Variants in FSTL4 observed in about 807,000 individuals in gnomAD.
FSTL4 encodes follistatin-related protein 4.
Under a neutral mutation model 78.2 loss-of-function variants are expected in FSTL4, and 28 were observed. The ratio of observed to expected loss-of-function variants is 0.36; its 90% CI spans 0.27 to 0.49. The LOEUF (loss-of-function observed/expected upper bound fraction) is 0.49. Among genes scored for constraint, FSTL4 ranks in the 20% least tolerant of loss-of-function variants. The probability of loss-of-function intolerance (pLI) is 0.98; values close to 1 mark genes in which losing one functional copy is unlikely to be tolerated. For synonymous variants in FSTL4, 422 were observed against 440.5 expected (o/e 0.96, Z 0.53); for missense variants, 922 against 1,084.9 (o/e 0.85, Z 2.11).
intron 6 of FSTL4, among the ~76,000 whole-genome samples, chr5:133,268,986 C>G (rs113927675): frequency 0.031 from 4,716 of 151,860 alleles, 236 homozygotes; most frequent in African/African-American, 0.1. Flanking sequence ...TCGAGACCAT[C>G]CTGGCTAACA....
At chr5:133,328,799 C>A (rs2126905586) in intron 4 of FSTL4, among the ~76,000 whole-genome samples, 1 of 152,236 alleles carries the variant, frequency 6.6e-6, no homozygotes, top group Admixed American at 6.5e-5. Context: ...AGTGTGGGTG[C>A]CTTCTCCACC....
At chr5:133,579,976 G>A (rs1760366451) in intron 2 of FSTL4, among the ~76,000 whole-genome samples, 1 of 152,154 alleles carries the variant, frequency 6.6e-6, no homozygotes, top group African/African-American at 2.4e-5. Flanking sequence ...GAGCAGGACT[G>A]GGTGCAAGTG....
rs17166541 is a variant in FSTL4 at position 133,308,623 on chromosome 5, C to T, written c.727+4031G>A. Among the ~76,000 whole-genome samples the T allele has an allele frequency of 3.4e-3, 515 of 152,274 alleles. 6 individuals are homozygous for T. Among genetic ancestry groups the T allele is most frequent in the African/African-American group, 0.012 (491 of 41,560 alleles). On this transcript the variant is annotated intron_variant, in intron 6 of 15. Transcript: ENST00000265342. ...TTCCAAAGGATAGTGGTGTGGTAAA[C>T]GAAACTGCACCATCCCTTCACTTTG...
the FSTL4 span, among the ~76,000 whole-genome samples, chr5:133,735,133 C>T: frequency 2.0e-5 from 3 of 152,126 alleles, no homozygotes; most frequent in African/African-American, 7.2e-5. Flanking sequence ...CCAGAAGCAC[C>T]TCATGCCTGA....
rs1750250837 is a variant in FSTL4 at position 133,199,475 on chromosome 5, T to A, written c.2149A>T (p.Thr717Ser). The A allele has an allele frequency of 1.2e-6, 2 of 1,614,098 alleles. No homozygotes were observed. The highest frequency in any genetic ancestry group is 1.7e-6 in the Non-Finnish European group (2 of 1,180,024). ...DSPWLHVQEI[T>S]VRGEIQTLYD... is the part of the protein sequence containing the mutation. ...AGGGTCTGGATCTCGCCCCGCACTG[T>A]GATCTCCTGCACGTGCAGCCAGGGG... Residue 717 changes from threonine (T) to serine (S), a missense_variant, in exon 16 of 16, where the codon ACA becomes TCA. Thr to Ser is a moderately conservative substitution (Grantham distance 58, BLOSUM62 1). Transcript: ENST00000265342. This position sits in a 1 kb window ranked among gnomAD's most constrained non-coding sequence, Gnocchi z 4.4.
chr5:133,735,351 T>C, the FSTL4 span, among the ~76,000 whole-genome samples: 1 of 152,028 alleles, frequency 6.6e-6, no homozygotes, highest in Non-Finnish European at 1.5e-5. Context: ...TTAATTCCAG[T>C]TATTCAGGAG....
At chr5:133,701,555 T>C in the FSTL4 span, among the ~76,000 whole-genome samples, 1,705 of 149,172 alleles carry the variant, frequency 0.011, 95 homozygotes, top group Admixed American at 0.092. Context: ...TGCTGAGGAA[T>C]GCAGGTGACC....
the FSTL4 span, among the ~76,000 whole-genome samples, chr5:133,740,108 T>C: frequency 5.5e-3 from 837 of 151,900 alleles, 9 homozygotes; most frequent in African/African-American, 0.019. Context: ...GTCTCAAGAG[T>C]CGTGCACTCA....
At chr5:133,636,383 C>T in the FSTL4 span, among the ~76,000 whole-genome samples, 1 of 152,128 alleles carries the variant, frequency 6.6e-6, no homozygotes, top group East Asian at 1.9e-4. Context: ...GAAGCCCAGC[C>T]TGTGGGCTCT....
chr5:133,694,921 G>A, the FSTL4 span, among the ~76,000 whole-genome samples: 2 of 152,152 alleles, frequency 1.3e-5, no homozygotes, highest in South Asian at 2.1e-4. Context: ...TCTGCCTCCC[G>A]AAGTCCCCAC....
the FSTL4 span, among the ~76,000 whole-genome samples, chr5:133,651,211 T>C: frequency 7.2e-5 from 11 of 152,226 alleles, no homozygotes; most frequent in East Asian, 1.5e-3. Flanking sequence ...TTCTTTCCAA[T>C]TTATATAACT....
intron 3 of FSTL4, among the ~76,000 whole-genome samples, chr5:133,450,452 C>A (rs1281054132): frequency 6.6e-6 from 1 of 152,250 alleles, no homozygotes; most frequent in Non-Finnish European, 1.5e-5. Context: ...TGCACACACA[C>A]CGAGCACTCA....
chr5:133,652,162 G>A, the FSTL4 span, among the ~76,000 whole-genome samples: 7 of 151,980 alleles, frequency 4.6e-5, no homozygotes, highest in African/African-American at 1.7e-4. Context: ...AGCCTGGCTA[G>A]AGGCTTATCA....
At chr5:133,696,263 TG>T in the FSTL4 span, among the ~76,000 whole-genome samples, 1 of 152,344 alleles carries the variant, frequency 6.6e-6, no homozygotes, top group East Asian at 1.9e-4. Context: ...TGCAGGGGAC[TG>T]GGGGGTATCT....
At chr5:133,759,116 C>T in the FSTL4 span, among the ~76,000 whole-genome samples, 20 of 152,146 alleles carry the variant, frequency 1.3e-4, no homozygotes, top group African/African-American at 3.4e-4. Context: ...ATTCAAAAAA[C>T]GTGCAAGGGT....
chr5:133,493,067 C>A (rs1758301695), intron 3 of FSTL4, among the ~76,000 whole-genome samples: 1 of 151,532 alleles, frequency 6.6e-6, no homozygotes, highest in Non-Finnish European at 1.5e-5. Flanking sequence ...CTTGTTTTTC[C>A]CCTACAATTC....
At chr5:133,521,858 G>A (rs1374511467) in intron 3 of FSTL4, among the ~76,000 whole-genome samples, 1 of 152,120 alleles carries the variant, frequency 6.6e-6, no homozygotes, top group African/African-American at 2.4e-5. Flanking sequence ...TCACCACAAA[G>A]GGGCTTCACA....
In FSTL4 at chr5:133,301,679, C is replaced by T. The variant is rs148377372; in HGVS notation, c.727+10975G>A. On this transcript the variant is annotated intron_variant, in intron 6 of 15. Transcript: ENST00000265342. Reference sequence around the variant, plus strand: ...TTGTTCTGCCTGAAGCACCGTCTGACGAAAAATTGCCCATGCCATCTGGAG... The same window carrying T: ...TTGTTCTGCCTGAAGCACCGTCTGATGAAAAATTGCCCATGCCATCTGGAG... 1.6e-3 allele frequency among the ~76,000 whole-genome samples: 240 copies of T among 152,302 alleles called. 1 individual carries two copies. Among genetic ancestry groups the T allele is most frequent in the African/African-American group, 5.6e-3 (234 of 41,562 alleles).
the FSTL4 span, among the ~76,000 whole-genome samples, chr5:133,722,410 C>G: frequency 6.6e-6 from 1 of 152,100 alleles, no homozygotes; most frequent in African/African-American, 2.4e-5. Flanking sequence ...TTTATTTTAT[C>G]AATTGAATTC....
Sources: gnomAD v4.1 joint callset for allele counts (sites outside exome capture counted in the v4.1 genomes callset) on GRCh38, gnomAD v4.1.1 for gene constraint, Gnocchi (gnomAD v3.1) non-coding constraint, MANE v1.5 for transcripts, NCBI Gene and HGNC (gene_info 2026-07-23, HGNC 2026-07-21) for gene names.